The following CAMK4 variants were observed in gnomAD, a reference collection of about 807,000 sequenced individuals.
CAMK4 encodes calcium/calmodulin dependent protein kinase IV.
CAMK4 carries 22 observed loss-of-function variants against 44.9 expected under a neutral mutation model. The observed-to-expected ratio is 0.49, with a 90% CI of 0.35 to 0.70. CAMK4 has a LOEUF of 0.70. Ranked by LOEUF, CAMK4 falls within the 30% of genes least tolerant of loss-of-function variation. The pLI, the probability that CAMK4 is intolerant of heterozygous loss-of-function variation, is 0.01. For synonymous variants in CAMK4, 218 were observed against 215.4 expected (o/e 1.01, Z -0.11); for missense variants, 498 against 586.8 (o/e 0.85, Z 1.56).
Position 111,482,088 on chromosome 5 carries a change from A to C in CAMK4, c.829-697A>C, listed in dbSNP as rs996218112. The stretch of plus-strand genomic sequence containing the variant: ...CCTACTAAGCCCAGGACTGTGGATT[A>C]TTTTATTTGCTGACCTTCCTGGGAA... On this transcript the variant is annotated intron_variant, in intron 9 of 10. Coordinates refer to ENST00000282356, the MANE Select transcript of CAMK4 (RefSeq NM_001744.6). The surrounding 1 kb of genome is among the most constrained non-coding windows in gnomAD (Gnocchi z 4.9). The C allele has an allele frequency of 2.0e-5, 3 of 152,084 alleles. No homozygotes were observed. The highest frequency in any genetic ancestry group is 4.4e-5 in the Non-Finnish European group (3 of 68,022). The allele number at this position is 152,084 out of a possible 1,614,324, so 9.4% of individuals were successfully genotyped here. A position where few individuals can be genotyped will look rare whatever the true frequency, so the allele number is the denominator to read the frequency against.
chr5:111,323,814 A>G (rs1238777431), intron 1 of CAMK4, among the ~76,000 whole-genome samples: 3 of 152,094 alleles, frequency 2.0e-5, no homozygotes, highest in Non-Finnish European at 4.4e-5. Flanking sequence ...ATTTATAGAA[A>G]TCAGTGAAGA....
intron 5 of CAMK4, among the ~76,000 whole-genome samples, chr5:111,395,659 C>T (rs1021324934): frequency 6.6e-6 from 1 of 152,048 alleles, no homozygotes; most frequent in East Asian, 1.9e-4. Context: ...TAAATACATA[C>T]ACATTTACAA....
At chr5:111,412,795 G>A (rs1752675917) in intron 5 of CAMK4, among the ~76,000 whole-genome samples, 1 of 152,110 alleles carries the variant, frequency 6.6e-6, no homozygotes, top group Admixed American at 6.6e-5. Context: ...TCACTGCCAT[G>A]GCTACACCCA....
chr5:111,311,525 C>G (rs1438562922), intron 1 of CAMK4, among the ~76,000 whole-genome samples: 1 of 152,098 alleles, frequency 6.6e-6, no homozygotes, highest in Non-Finnish European at 1.5e-5. Context: ...TGGATTGAGG[C>G]CAGGTTGTTC....
intron 5 of CAMK4, among the ~76,000 whole-genome samples, chr5:111,401,019 C>G (rs555325459): frequency 6.6e-6 from 1 of 152,276 alleles, no homozygotes; most frequent in South Asian, 2.1e-4. Flanking sequence ...ACTGATACAG[C>G]CTTTCTTCCC....
rs1191132469 is a variant in CAMK4, at chr5:111,482,818, C to G, written c.862C>G (p.Arg288Gly). Residue 288 changes from arginine to glycine, a missense_variant, in exon 10 of 11, where the codon CGG (arginine) becomes GGG (glycine). Arg to Gly is a moderately radical substitution (Grantham distance 125, BLOSUM62 -2). This residue lies in a region of CAMK4 where 203 missense variants were observed against 298.2 expected (regional missense o/e 0.68). Coordinates refer to ENST00000282356, the MANE Select transcript of CAMK4 (RefSeq NM_001744.6). The surrounding 1 kb of genome is among the most constrained non-coding windows in gnomAD (Gnocchi z 4.9). ...ATTAATTGTTTTGGATCCAAAGAAA[C>G]GGCTGACTACATTTCAAGCTCTCCA... is the stretch of plus-strand genomic sequence containing the variant. ...RKLIVLDPKK[R>G]LTTFQALQHP... 1 of 1,611,286 alleles carries G rather than the reference C, an allele frequency of 6.2e-7. No homozygotes were observed. Among genetic ancestry groups the G allele is most frequent in the Non-Finnish European group, 8.5e-7 (1 of 1,178,984 alleles).
At chr5:111,309,955 A>T (rs1289799849) in intron 1 of CAMK4, among the ~76,000 whole-genome samples, 1 of 152,182 alleles carries the variant, frequency 6.6e-6, no homozygotes, top group African/African-American at 2.4e-5. Flanking sequence ...CATGCTTCAG[A>T]ATAGATAAAT....
chr5:111,400,462 G>A (rs987814562), intron 5 of CAMK4, among the ~76,000 whole-genome samples: 1 of 152,134 alleles, frequency 6.6e-6, no homozygotes, highest in Non-Finnish European at 1.5e-5. Flanking sequence ...GTTGTTGAAA[G>A]CATAGAAGCA....
At chr5:111,452,862 G>C (rs1283277000) in intron 7 of CAMK4, among the ~76,000 whole-genome samples, 1 of 152,164 alleles carries the variant, frequency 6.6e-6, no homozygotes, top group Non-Finnish European at 1.5e-5. Context: ...CATATTATAA[G>C]AAAAGGAAGT....
At chr5:111,363,665 G>T (rs1274983627) in intron 2 of CAMK4, among the ~76,000 whole-genome samples, 2 of 151,958 alleles carry the variant, frequency 1.3e-5, no homozygotes, top group African/African-American at 4.8e-5. Flanking sequence ...GCCTCTAGGT[G>T]ACTCTCAATG....
At chr5:111,365,600 AGGAGCTG>A (rs1444191568) in intron 2 of CAMK4, among the ~76,000 whole-genome samples, 2 of 152,014 alleles carry the variant, frequency 1.3e-5, no homozygotes, top group African/African-American at 2.4e-5. Flanking sequence ...GACATTTCAA[AGGAGCTG>A]GGATTTTGGA....
chr5:111,309,650 T>G (rs1476022367), intron 1 of CAMK4, among the ~76,000 whole-genome samples: 1 of 152,162 alleles, frequency 6.6e-6, no homozygotes, highest in African/African-American at 2.4e-5. Context: ...TTTCTTCTAT[T>G]CCGACTTGTT....
At chr5:111,249,306 A>G (rs967288144) in intron 1 of CAMK4, among the ~76,000 whole-genome samples, 8 of 152,138 alleles carry the variant, frequency 5.3e-5, no homozygotes, top group Non-Finnish European at 1.2e-4. Flanking sequence ...TCTGGAAATT[A>G]TCTGTTCTAC....
chr5:111,255,077 T>C (rs961812487), intron 1 of CAMK4, among the ~76,000 whole-genome samples: 34 of 151,788 alleles, frequency 2.2e-4, no homozygotes, highest in African/African-American at 7.7e-4. Context: ...AAAAAAAGAA[T>C]GGTTTTATGT....
intron 5 of CAMK4, among the ~76,000 whole-genome samples, chr5:111,444,079 G>T (rs111500529): frequency 2.6e-5 from 4 of 151,916 alleles, no homozygotes; most frequent in African/African-American, 9.7e-5. Flanking sequence ...TTCCTTCGTT[G>T]TTATTTTTCT....
chr5:111,282,056 C>CAA (rs58617977), intron 1 of CAMK4, among the ~76,000 whole-genome samples: 14 of 112,486 alleles, frequency 1.2e-4, no homozygotes, highest in African/African-American at 3.4e-4. Context: ...GACTCCGTCT[C>CAA]AAAAAAAAAA....
chr5:111,323,670 C>T (rs12519543), intron 1 of CAMK4, among the ~76,000 whole-genome samples: 9,422 of 151,966 alleles, frequency 0.062, 461 homozygotes, highest in East Asian at 0.22. Context: ...TAAAATATGT[C>T]TCAAAATGAG....
intron 5 of CAMK4, among the ~76,000 whole-genome samples, chr5:111,411,507 C>G (rs1196386114): frequency 6.6e-6 from 1 of 152,178 alleles, no homozygotes; most frequent in Non-Finnish European, 1.5e-5. Flanking sequence ...TCCGCATAGT[C>G]AGGTGGAGGA....
At chr5:111,468,220 T>G (rs913559351) in intron 7 of CAMK4, among the ~76,000 whole-genome samples, 1 of 152,068 alleles carries the variant, frequency 6.6e-6, no homozygotes, top group Non-Finnish European at 1.5e-5. Flanking sequence ...TTGGGTACAG[T>G]GTACAATGCT....
Sources: gnomAD v4.1 joint callset for allele counts (sites outside exome capture counted in the v4.1 genomes callset) on GRCh38, gnomAD v4.1.1 for gene constraint, gnomAD v4.1.1 regional missense constraint, Gnocchi (gnomAD v3.1) non-coding constraint, MANE v1.5 for transcripts, NCBI Gene and HGNC (gene_info 2026-07-23, HGNC 2026-07-21) for gene names.